Variants in LARGE1 observed in about 807,000 individuals in gnomAD.
LARGE1 encodes xylosyl- and glucuronyltransferase LARGE1.
Under a neutral mutation model 87.6 loss-of-function variants are expected in LARGE1, and 43 were observed. The ratio of observed to expected loss-of-function variants is 0.49; its 90% CI spans 0.38 to 0.63. The LOEUF (loss-of-function observed/expected upper bound fraction) is 0.63. Ranked by LOEUF, LARGE1 falls within the 30% of genes least tolerant of loss-of-function variation. The pLI is 0.00. For missense variants in LARGE1, 802 were observed against 1,000.2 expected, an observed-to-expected ratio of 0.80 and a Z score of 2.67; for synonymous variants, 434 against 394.6, an observed-to-expected ratio of 1.10 and a Z score of -1.18.
intron 12 of LARGE1, among the ~76,000 whole-genome samples, chr22:33,295,708 T>G (rs1438947803): frequency 6.6e-6 from 1 of 152,192 alleles, no homozygotes; most frequent in Non-Finnish European, 1.5e-5. Context: ...CTTGGCTGAC[T>G]GGCTTCCAGG....
rs150531820 is a variant in LARGE1, at chr22:33,234,582, C to A, written c.1731-67750G>T. 5.0e-3 allele frequency among the ~76,000 whole-genome samples: 754 copies of A among 152,160 alleles called. 11 individuals are homozygous for A. The highest frequency in any genetic ancestry group is 0.017 in the African/African-American group (690 of 41,506). ...TTGAGACAGAGTTTTGCTCTTGCTG[C>A]CCAGGCTGGAGTGTAGTGGTGCTAT... is the stretch of plus-strand genomic sequence containing the variant. On this transcript the variant is annotated intron_variant, in intron 11 of 11. Coordinates refer to the LARGE1 transcript ENST00000608642.
intron 6 of LARGE1, among the ~76,000 whole-genome samples, chr22:33,546,394 G>A (rs925750415): frequency 1.3e-5 from 2 of 150,332 alleles, no homozygotes; most frequent in East Asian, 2.0e-4. Context: ...AACAAGGACC[G>A]ATTTCTCTTA....
intron 2 of LARGE1, among the ~76,000 whole-genome samples, chr22:33,731,442 A>G (rs779931149): frequency 7.9e-5 from 12 of 152,224 alleles, no homozygotes; most frequent in Non-Finnish European, 7.3e-5. Flanking sequence ...AATTCAGGAA[A>G]GGGAATGGCT....
At chr22:33,838,389 A>G (rs1439937239) in intron 1 of LARGE1, among the ~76,000 whole-genome samples, 1 of 152,220 alleles carries the variant, frequency 6.6e-6, no homozygotes, top group African/African-American at 2.4e-5. Flanking sequence ...CTGTATTCCC[A>G]GCACTTTGGG....
intron 6 of LARGE1, among the ~76,000 whole-genome samples, chr22:33,512,065 T>C (rs1438767866): frequency 6.6e-6 from 1 of 152,170 alleles, no homozygotes; most frequent in African/African-American, 2.4e-5. Flanking sequence ...GTCATAGAAC[T>C]TCATTATGAG....
chr22:33,491,938 C>A (rs2069861767), intron 6 of LARGE1, among the ~76,000 whole-genome samples: 1 of 152,114 alleles, frequency 6.6e-6, no homozygotes, highest in Non-Finnish European at 1.5e-5. Context: ...AGATGAAAGG[C>A]CGACCCCTTG....
intron 6 of LARGE1, among the ~76,000 whole-genome samples, chr22:33,503,272 T>C (rs8136783): frequency 6.7e-6 from 1 of 149,270 alleles, no homozygotes; most frequent in Non-Finnish European, 1.5e-5. Context: ...TTTTTTTTTG[T>C]TTGAGATGGA....
chr22:33,256,705 A>G (rs1568992021), intron 11 of LARGE1, among the ~76,000 whole-genome samples: 1 of 152,212 alleles, frequency 6.6e-6, no homozygotes, highest in South Asian at 2.1e-4. Context: ...GATGTTACAC[A>G]TGCATTTTCA....
At chr22:33,749,650 T>C (rs2084237852) in intron 2 of LARGE1, among the ~76,000 whole-genome samples, 1 of 152,228 alleles carries the variant, frequency 6.6e-6, no homozygotes, top group Admixed American at 6.5e-5. Flanking sequence ...GTCCGTTCCT[T>C]CTCTTGATTA....
At chr22:33,773,040 C>CT in intron 1 of LARGE1, among the ~76,000 whole-genome samples, 1 of 152,322 alleles carries the variant, frequency 6.6e-6, no homozygotes, top group African/African-American at 2.4e-5. Context: ...CAATGGGGTA[C>CT]TGCCCCTCAG....
intron 6 of LARGE1, among the ~76,000 whole-genome samples, chr22:33,519,998 CTTTTTTTTTT>C (rs397868082): frequency 1.5e-4 from 15 of 97,230 alleles, no homozygotes; most frequent in African/African-American, 6.0e-4. Flanking sequence ...TGGTTTTTCT[CTTTTTTTTTT>C]TTTTTTTTTT....
chr22:33,907,856 C>T (rs989039177), intron 1 of LARGE1, among the ~76,000 whole-genome samples: 1 of 152,164 alleles, frequency 6.6e-6, no homozygotes, highest in African/African-American at 2.4e-5. Context: ...CTCGGCCTCC[C>T]AAAGTGCTGG....
intron 11 of LARGE1, among the ~76,000 whole-genome samples, chr22:33,234,255 C>T (rs1484178433): frequency 6.6e-6 from 1 of 152,188 alleles, no homozygotes; most frequent in Non-Finnish European, 1.5e-5. Context: ...GTCAATGCTC[C>T]TTCAAGGAAG....
intron 1 of LARGE1, among the ~76,000 whole-genome samples, chr22:33,889,583 C>T: frequency 6.6e-6 from 1 of 152,168 alleles, no homozygotes; most frequent in East Asian, 1.9e-4. Context: ...CACGCCAAGA[C>T]CATTGATTGG....
At chr22:33,508,264 C>T (rs1277440699) in intron 6 of LARGE1, among the ~76,000 whole-genome samples, 4 of 152,134 alleles carry the variant, frequency 2.6e-5, no homozygotes, top group African/African-American at 9.7e-5. Flanking sequence ...GGGTGTCACC[C>T]TGGGCAAGGC....
intron 1 of LARGE1, among the ~76,000 whole-genome samples, chr22:33,851,918 T>C (rs562412013): frequency 6.6e-6 from 1 of 152,328 alleles, no homozygotes; most frequent in East Asian, 1.9e-4. Context: ...GTTGTTTTTG[T>C]GCCTTGCAGT....
intron 6 of LARGE1, among the ~76,000 whole-genome samples, chr22:33,506,187 T>C (rs543354033): frequency 5.9e-5 from 9 of 152,120 alleles, no homozygotes; most frequent in African/African-American, 2.2e-4. Flanking sequence ...GAACATAGTA[T>C]GTGCTACATA....
chr22:33,754,522 G>A (rs1039330936), intron 2 of LARGE1, among the ~76,000 whole-genome samples: 2 of 151,806 alleles, frequency 1.3e-5, no homozygotes, highest in Admixed American at 6.6e-5. Context: ...ATTTTTAGTA[G>A]AGACGGGGTT....
chr22:33,517,824 C>A (rs1602220025), intron 6 of LARGE1, among the ~76,000 whole-genome samples: 1 of 152,168 alleles, frequency 6.6e-6, no homozygotes, highest in East Asian at 1.9e-4. Context: ...ATGTCTGTAT[C>A]CCACAGATAC....
Sources: allele counts gnomAD v4.1 joint callset (sites outside exome capture counted in the v4.1 genomes callset), GRCh38; gene constraint gnomAD v4.1.1; transcripts MANE v1.5; gene names NCBI Gene and HGNC (gene_info 2026-07-23, HGNC 2026-07-21).